The following UACA variants were observed in gnomAD, a reference collection of about 807,000 sequenced individuals.
UACA encodes the protein nuclear membrane binding protein.
In UACA, 112 loss-of-function variants were observed where a neutral mutation model predicts 160.5. The ratio of observed to expected loss-of-function variants is 0.70; its 90% CI spans 0.60 to 0.82. The LOEUF is 0.82. UACA is among the 40% of genes least tolerant of loss of function. The pLI, the probability that UACA is intolerant of heterozygous loss-of-function variation, is 0.00. For missense variants in UACA, 1,574 were observed against 1,614.6 expected (o/e 0.97, Z 0.43); for synonymous variants, 557 against 568.4 (o/e 0.98, Z 0.29).
chr15:70,713,585 T>C (rs1342771888), intron 1 of UACA, among the ~76,000 whole-genome samples: 3 of 152,160 alleles, frequency 2.0e-5, no homozygotes, highest in African/African-American at 7.2e-5. Context: ...AGATCTATAA[T>C]ATGGGATTCC....
chr15:70,768,844 C>CTA, the UACA span, among the ~76,000 whole-genome samples: 4 of 152,156 alleles, frequency 2.6e-5, no homozygotes, highest in Non-Finnish European at 4.4e-5. Flanking sequence ...AAGGCTATCT[C>CTA]TATAGATTTT....
At chr15:70,736,794 T>C (rs139583216) in intron 1 of UACA, among the ~76,000 whole-genome samples, 1 of 152,318 alleles carries the variant, frequency 6.6e-6, no homozygotes, top group African/African-American at 2.4e-5. Flanking sequence ...AACTTAAAGT[T>C]CAACAAATTT....
chr15:70,663,749 C>A (rs1290644811), intron 17 of UACA, among the ~76,000 whole-genome samples: 1 of 151,718 alleles, frequency 6.6e-6, no homozygotes, highest in Admixed American at 6.6e-5. Context: ...AACCATCATT[C>A]TCAGCAAACT....
In UACA at chr15:70,671,729, C is replaced by T. The variant is rs1336138319; in HGVS notation, c.1168+236G>A. 9.7e-6 allele frequency: 3 copies of T among 308,458 alleles called. No homozygotes were observed. The East Asian group carries it at 1.5e-4, about 16-fold the overall frequency. 19.1% of individuals were successfully genotyped at this position (308,458 alleles called of 1,614,324 possible). On this transcript the variant is annotated intron_variant, in intron 14 of 18. Transcript: ENST00000322954. ...AACAAGGCAAATTTGGTAATTCATA[C>T]AATATACAATTTTAAAATACAGGTA... is the stretch of plus-strand genomic sequence containing the variant.
chr15:70,762,297 TAAAA>T (rs1220696531), intron 1 of UACA, among the ~76,000 whole-genome samples: 1 of 152,226 alleles, frequency 6.6e-6, no homozygotes, highest in African/African-American at 2.4e-5. Flanking sequence ...AGTATTCTGA[TAAAA>T]AGAATATAAT....
At chr15:70,699,447 C>A in intron 2 of UACA, 80 bp downstream of exon 2, 2 of 1,501,242 alleles carry the variant, frequency 1.3e-6, no homozygotes, top group South Asian at 1.3e-5. Flanking sequence ...AAGTTGATAA[C>A]TACAATTCAC....
At chr15:70,661,106 C>A (rs1347283306) in intron 17 of UACA, 1 of 152,168 alleles carries the variant, frequency 6.6e-6, no homozygotes, top group Non-Finnish European at 1.5e-5. Context: ...CATCTCCACG[C>A]TTCTTTTACA....
chr15:70,756,407 C>A (rs2030433808), intron 1 of UACA, among the ~76,000 whole-genome samples: 1 of 151,854 alleles, frequency 6.6e-6, no homozygotes, highest in Admixed American at 6.6e-5. Flanking sequence ...GCGATCTGCC[C>A]ACCTCGGCCT....
chr15:70,699,635 T>G lies in UACA; in HGVS notation c.104A>C (p.Asp35Ala). ...TTCTGCTGCTTTCATCAATCGGTCA[T>G]CATATTTATTCCAATCTGCTGCATG... ...SAHAADWNKYDDRLMKAAERG... is the reference protein window; with the variant it reads ...SAHAADWNKYADRLMKAAERG... The change falls in exon 2 of 19, where the codon GAT becomes GCT. Residue 35 changes from aspartate (D) to alanine (A), a missense_variant. Coordinates refer to ENST00000322954, the MANE Select transcript of UACA (RefSeq NM_018003.4). 1.2e-6 allele frequency: 2 copies of G among 1,611,022 alleles called. No individual in the cohort carries two copies. The highest frequency in any genetic ancestry group is 1.7e-6 in the Non-Finnish European group (2 of 1,179,252).
chr15:70,686,131 CTTTTT>C (rs748667477), intron 7 of UACA, among the ~76,000 whole-genome samples: 2 of 139,216 alleles, frequency 1.4e-5, no homozygotes, highest in East Asian at 4.1e-4. Context: ...TTAATCACAT[CTTTTT>C]TTTTTTTTTT....
chr15:70,771,253 G>A, the UACA span, among the ~76,000 whole-genome samples: 1 of 152,202 alleles, frequency 6.6e-6, no homozygotes, highest in Non-Finnish European at 1.5e-5. Flanking sequence ...TGGAGATACC[G>A]TGATATTCAT....
intron 1 of UACA, among the ~76,000 whole-genome samples, chr15:70,717,453 C>A (rs1397948633): frequency 6.6e-6 from 1 of 152,156 alleles, no homozygotes; most frequent in Non-Finnish European, 1.5e-5. Flanking sequence ...TCAACTCTGC[C>A]ACTGTAAACT....
chr15:70,716,657 G>T (rs534419042), intron 1 of UACA, among the ~76,000 whole-genome samples: 2 of 151,956 alleles, frequency 1.3e-5, no homozygotes, highest in Non-Finnish European at 1.5e-5. Context: ...TAAAAATAGG[G>T]GATGAGCTGG....
chr15:70,749,698 CAAAA>C (rs11292883), intron 1 of UACA, among the ~76,000 whole-genome samples: 2 of 70,052 alleles, frequency 2.9e-5, no homozygotes, highest in Admixed American at 1.9e-4. Context: ...GACTCCGTCT[CAAAA>C]AAAAAAAAAA....
At chr15:70,658,296 G>A (rs74937975) in intron 18 of UACA, among the ~76,000 whole-genome samples, 5,595 of 152,058 alleles carry the variant, frequency 0.037, 175 homozygotes, top group Middle Eastern at 0.092. Context: ...TTCCCCTAAC[G>A]ATGGACATTT....
chr15:70,768,546 T>G (rs1304738484), upstream of UACA, among the ~76,000 whole-genome samples: 1 of 152,120 alleles, frequency 6.6e-6, no homozygotes, highest in Non-Finnish European at 1.5e-5. Flanking sequence ...ACTTTAATGA[T>G]AAGACTGATG....
chr15:70,668,663 A>G lies in UACA; in HGVS notation c.2021T>C (p.Val674Ala), dbSNP rs1235939807. 2 of 1,613,952 alleles carry G rather than the reference A, an allele frequency of 1.2e-6. No individual in the cohort carries two copies. The highest frequency in any genetic ancestry group is 1.3e-5 in the African/African-American group (1 of 74,918). Residue 674 changes from valine to alanine, a missense_variant, in exon 16 of 19, where the codon GTT (valine) becomes GCT (alanine). Coordinates refer to ENST00000322954, the MANE Select transcript of UACA (RefSeq NM_018003.4). The stretch of plus-strand genomic sequence containing the variant: ...GACGTGCTGAGCAAGCTTGGCCTTA[A>G]CATTCTCAAGTTCTCTCTTTAACTG... ...IRQLKRELEN[V>A]KAKLAQHVKP...
At chr15:70,711,994 G>C (rs1157422558) in intron 1 of UACA, among the ~76,000 whole-genome samples, 3 of 150,452 alleles carry the variant, frequency 2.0e-5, no homozygotes, top group African/African-American at 7.4e-5. Flanking sequence ...TCAATTAAAA[G>C]CTACATGCAA....
chr15:70,709,156 T>G (rs1407915887), intron 1 of UACA, among the ~76,000 whole-genome samples: 1 of 152,168 alleles, frequency 6.6e-6, no homozygotes, highest in African/African-American at 2.4e-5. Context: ...GCAAGCCCCA[T>G]AATATCAAAT....
Sources: gnomAD v4.1 joint callset for allele counts (sites outside exome capture counted in the v4.1 genomes callset) on GRCh38, gnomAD v4.1.1 for gene constraint, MANE v1.5 for transcripts, NCBI Gene and HGNC (gene_info 2026-07-23, HGNC 2026-07-21) for gene names.